Variants in DGKI observed in about 807,000 individuals in gnomAD.
The protein encoded by DGKI is diacylglycerol kinase iota, also known as DAG kinase iota.
Under a neutral mutation model 147.5 loss-of-function variants are expected in DGKI, and 55 were observed. The observed-to-expected ratio is 0.37, with a 90% CI of 0.30 to 0.47. The LOEUF is 0.47. Ranked by LOEUF, DGKI falls within the 20% of genes least tolerant of loss-of-function variation. The pLI, the probability that DGKI is intolerant of heterozygous loss-of-function variation, is 1.00. For missense variants in DGKI, 1,007 were observed against 1,323.8 expected (o/e 0.76, Z 3.71); for synonymous variants, 469 against 477.1 (o/e 0.98, Z 0.22).
intron 28 of DGKI, among the ~76,000 whole-genome samples, chr7:137,441,531 AC>A (rs1813508535): frequency 1.3e-5 from 2 of 152,174 alleles, no homozygotes; most frequent in African/African-American, 4.8e-5. Context: ...CATTTTACAG[AC>A]AAGGAAAAGA....
intron 19 of DGKI, among the ~76,000 whole-genome samples, chr7:137,557,982 T>C (rs1723107): frequency 0.11 from 16,617 of 152,204 alleles, 2,046 homozygotes; most frequent in African/African-American, 0.3. Context: ...TATGAATTGC[T>C]AATCTATGGG....
chr7:137,521,658 A>G (rs1405926001), intron 21 of DGKI, among the ~76,000 whole-genome samples: 1 of 152,122 alleles, frequency 6.6e-6, no homozygotes, highest in Non-Finnish European at 1.5e-5. Context: ...CAGCAGAATG[A>G]TTTTATTCAG....
chr7:137,566,657 G>C (rs1373109116), intron 19 of DGKI, among the ~76,000 whole-genome samples: 2 of 152,022 alleles, frequency 1.3e-5, no homozygotes, highest in Admixed American at 1.3e-4. Context: ...CCTAATTTTA[G>C]TATTCCATTT....
intron 27 of DGKI, among the ~76,000 whole-genome samples, chr7:137,460,158 A>G (rs1164083377): frequency 1.3e-5 from 2 of 152,156 alleles, no homozygotes; most frequent in Non-Finnish European, 2.9e-5. Context: ...ACAGATGCTG[A>G]TCATACCTAG....
chr7:137,528,706 T>C (rs1239627218), intron 20 of DGKI, among the ~76,000 whole-genome samples: 2 of 152,194 alleles, frequency 1.3e-5, no homozygotes, highest in Admixed American at 6.5e-5. Context: ...CAGTATTTGC[T>C]ATTCCATCTA....
chr7:137,547,492 CT>C (rs1258118224), intron 20 of DGKI, among the ~76,000 whole-genome samples: 90 of 152,256 alleles, frequency 5.9e-4, no homozygotes, highest in African/African-American at 2.1e-3. Context: ...AAATATGTAT[CT>C]TTCACTTATA....
chr7:137,546,583 T>G (rs939071959), intron 20 of DGKI, among the ~76,000 whole-genome samples: 3 of 152,194 alleles, frequency 2.0e-5, no homozygotes, highest in African/African-American at 7.2e-5. Flanking sequence ...CCACCCACAT[T>G]CTGGGTAGAA....
At chr7:137,705,678 A>C (rs1793997216) in intron 1 of DGKI, among the ~76,000 whole-genome samples, 1 of 152,198 alleles carries the variant, frequency 6.6e-6, no homozygotes, top group African/African-American at 2.4e-5. Context: ...TGCAAAACTC[A>C]TAACTTGCAT....
At chr7:137,684,033 C>T (rs938983941) in intron 2 of DGKI, among the ~76,000 whole-genome samples, 1 of 152,174 alleles carries the variant, frequency 6.6e-6, no homozygotes, top group African/African-American at 2.4e-5. Context: ...AATGAAGACG[C>T]TTGCTTATAA....
At chr7:137,688,266 C>T (rs1050604563) in intron 2 of DGKI, among the ~76,000 whole-genome samples, 1 of 152,082 alleles carries the variant, frequency 6.6e-6, no homozygotes, top group Non-Finnish European at 1.5e-5. Context: ...CCCAAGTAAC[C>T]AATATAGATT....
In DGKI at chr7:137,724,436, A is replaced by G. The variant is rs113097870; in HGVS notation, c.402-34434T>C. Among the ~76,000 whole-genome samples the G allele has an allele frequency of 3.8e-3, 580 of 152,346 alleles. 4 individuals are homozygous for G. Among genetic ancestry groups the G allele is most frequent in the African/African-American group, 0.014 (568 of 41,592 alleles). On this transcript the variant is annotated intron_variant, in intron 1 of 32. Coordinates refer to ENST00000614521, the MANE Select transcript of DGKI (RefSeq NM_001321708.2). ...GGGGAGGGGTATAACTAGAGAAATC[A>G]TTTAACAAGCTACTACAACAGTCCA...
At chr7:137,699,934 T>C (rs1823919451) in intron 1 of DGKI, among the ~76,000 whole-genome samples, 1 of 152,158 alleles carries the variant, frequency 6.6e-6, no homozygotes, top group African/African-American at 2.4e-5. Context: ...AAGGGACTCA[T>C]AAAAATGAAA....
chr7:137,846,819 G>A lies in DGKI; in HGVS notation c.44C>T (p.Ala15Val). ...GRGCHLLPLPAARGPARAPAA... is the reference protein window; with the variant it reads ...GRGCHLLPLPVARGPARAPAA... Reference sequence around the variant, plus strand: ...AGGAGCGCGGGCAGGTCCGCGCGCCGCTGGCAGGGGCAGCAAATGGCAGCC... The same window carrying A: ...AGGAGCGCGGGCAGGTCCGCGCGCCACTGGCAGGGGCAGCAAATGGCAGCC... Residue 15 changes from alanine (A) to valine (V), a missense_variant, in exon 1 of 33, where the codon GCG becomes GTG. Transcript: ENST00000614521. This position sits in a 1 kb window ranked among gnomAD's most constrained non-coding sequence, Gnocchi z 4.0. 2 of 1,141,070 alleles carry A rather than the reference G, an allele frequency of 1.8e-6. No individual in the cohort carries two copies. Among genetic ancestry groups the A allele is most frequent in the Non-Finnish European group, 2.2e-6 (2 of 929,766 alleles). The allele number at this position is 1,141,070 out of a possible 1,614,324, so 70.7% of individuals were successfully genotyped here.
chr7:137,810,068 G>C (rs1197231314), intron 1 of DGKI, among the ~76,000 whole-genome samples: 1 of 152,192 alleles, frequency 6.6e-6, no homozygotes, highest in African/African-American at 2.4e-5. Flanking sequence ...GCAGTAGAAG[G>C]CTGAGGTCCC....
chr7:137,782,598 G>T (rs1428302381), intron 1 of DGKI, among the ~76,000 whole-genome samples: 1 of 152,132 alleles, frequency 6.6e-6, no homozygotes, highest in East Asian at 1.9e-4. Context: ...TACTAACCAG[G>T]TATCCCTGGG....
At chr7:137,697,479 G>C (rs148885860) in intron 1 of DGKI, among the ~76,000 whole-genome samples, 96 of 152,262 alleles carry the variant, frequency 6.3e-4, no homozygotes, top group African/African-American at 2.3e-3. Flanking sequence ...ATTGATAAAA[G>C]TCGGGAAAGA....
chr7:137,517,498 C>A (rs1400606406), intron 21 of DGKI, among the ~76,000 whole-genome samples: 2 of 151,908 alleles, frequency 1.3e-5, no homozygotes, highest in Non-Finnish European at 2.9e-5. Flanking sequence ...CAACTCAATG[C>A]AATATGGTAT....
intron 1 of DGKI, among the ~76,000 whole-genome samples, chr7:137,802,022 GA>G (rs1241708957): frequency 6.6e-6 from 1 of 152,100 alleles, no homozygotes; most frequent in Non-Finnish European, 1.5e-5. Context: ...AGTGGATAAA[GA>G]AAATGTGGTA....
intron 1 of DGKI, among the ~76,000 whole-genome samples, chr7:137,696,202 G>A (rs1823775084): frequency 1.3e-5 from 2 of 152,188 alleles, no homozygotes; most frequent in Admixed American, 1.3e-4. Context: ...CAGTTCAAAG[G>A]GGTTATTCAA....
Sources: allele counts gnomAD v4.1 joint callset (sites outside exome capture counted in the v4.1 genomes callset), GRCh38; gene constraint gnomAD v4.1.1; non-coding constraint Gnocchi (gnomAD v3.1); transcripts MANE v1.5; gene names NCBI Gene and HGNC (gene_info 2026-07-23, HGNC 2026-07-21).